OTUD7B: variants seen among roughly 807,000 people sequenced by gnomAD.
OTUD7B encodes OTU domain-containing protein 7B.
A neutral mutation model predicts 82.2 loss-of-function variants in OTUD7B; 34 were observed. That is an observed-to-expected ratio of 0.41 (90% CI 0.31 to 0.55). The LOEUF (loss-of-function observed/expected upper bound fraction) is 0.55, where lower values mean the gene tolerates loss of function less well. OTUD7B is among the 20% of genes least tolerant of loss of function. OTUD7B has a pLI of 0.20. For synonymous variants in OTUD7B, 398 were observed against 402.7 expected (o/e 0.99, Z 0.14); for missense variants, 944 against 1,062.1 (o/e 0.89, Z 1.55).
chr1:150,016,493 C>T, the OTUD7B span, among the ~76,000 whole-genome samples: 3 of 131,714 alleles, frequency 2.3e-5, no homozygotes, highest in South Asian at 4.7e-4. Context: ...TCGCTTTTGT[C>T]GCCAAGGCTG....
At chr1:150,064,112 CA>C in the OTUD7B span, among the ~76,000 whole-genome samples, 1 of 152,116 alleles carries the variant, frequency 6.6e-6, no homozygotes. Flanking sequence ...TAAGCTAAAA[CA>C]TGTTTACCTT....
the OTUD7B span, among the ~76,000 whole-genome samples, chr1:150,059,652 G>A: frequency 2.4e-4 from 37 of 152,042 alleles, no homozygotes; most frequent in African/African-American, 8.0e-4. Flanking sequence ...TTACAGGCAC[G>A]AGCCACCATC....
At chr1:149,976,881 G>A (rs1650358388) in intron 2 of OTUD7B, among the ~76,000 whole-genome samples, 2 of 151,864 alleles carry the variant, frequency 1.3e-5, no homozygotes, top group South Asian at 4.2e-4. Flanking sequence ...AGCACTTTGG[G>A]AGGCCGAGGC....
chr1:150,041,004 C>G, the OTUD7B span, among the ~76,000 whole-genome samples: 3 of 152,058 alleles, frequency 2.0e-5, no homozygotes, highest in East Asian at 5.8e-4. Flanking sequence ...GCCACAGCGC[C>G]TGGCCTCTTT....
the OTUD7B span, among the ~76,000 whole-genome samples, chr1:150,052,415 C>T: frequency 5.3e-5 from 8 of 152,084 alleles, 1 homozygote; most frequent in African/African-American, 1.7e-4. Context: ...CTCTCATTCA[C>T]AATTGTCACT....
chr1:150,026,916 A>T, the OTUD7B span, among the ~76,000 whole-genome samples: 2 of 152,206 alleles, frequency 1.3e-5, no homozygotes, highest in Non-Finnish European at 2.9e-5. Flanking sequence ...TGCAATCAAA[A>T]GTATATTTAT....
At chr1:149,945,191 C>A in intron 11 of OTUD7B, 126 bp from the exon 12 acceptor site, 1 of 1,336,528 alleles carries the variant, frequency 7.5e-7, no homozygotes, top group East Asian at 2.5e-5. Context: ...AGAAATTAGC[C>A]AGGTAGAAAA....
rs587672845 is a variant in OTUD7B at position 149,994,454 on chromosome 1, G to A, written c.-67+15994C>T. 1.3e-4 allele frequency among the ~76,000 whole-genome samples: 19 copies of A among 151,888 alleles called. No homozygotes were observed. The South Asian group carries it at 1.3e-3, about 10-fold the overall frequency. On this transcript the variant is annotated intron_variant, in intron 1 of 11. Coordinates refer to ENST00000581312, the MANE Select transcript of OTUD7B (RefSeq NM_020205.4). Reference sequence around the variant, plus strand: ...AAATTAGGTAGGTGTGGTGGCATGCGCCTGTAAACCCAGCTACTTGGGAGG... The same window carrying A: ...AAATTAGGTAGGTGTGGTGGCATGCACCTGTAAACCCAGCTACTTGGGAGG...
At chr1:150,000,084 C>A (rs1553784350) in intron 1 of OTUD7B, among the ~76,000 whole-genome samples, 1 of 152,044 alleles carries the variant, frequency 6.6e-6, no homozygotes, top group East Asian at 1.9e-4. Flanking sequence ...TTATATCCTG[C>A]TGGAGAAAAA....
intron 7 of OTUD7B, among the ~76,000 whole-genome samples, chr1:149,951,186 T>G (rs1553773387): frequency 6.6e-6 from 1 of 151,956 alleles, no homozygotes; most frequent in African/African-American, 2.4e-5. Context: ...GGTTTCACCG[T>G]GGTCTCGATC....
chr1:150,041,264 T>C, the OTUD7B span, among the ~76,000 whole-genome samples: 1 of 152,196 alleles, frequency 6.6e-6, no homozygotes, highest in Non-Finnish European at 1.5e-5. Context: ...AATACATTAG[T>C]ATGCTTTTAA....
At chr1:150,063,001 A>T in the OTUD7B span, among the ~76,000 whole-genome samples, 1 of 150,730 alleles carries the variant, frequency 6.6e-6, no homozygotes, top group Admixed American at 6.6e-5. Flanking sequence ...GGCGTGACCC[A>T]CCAAGGCTGG....
the OTUD7B span, among the ~76,000 whole-genome samples, chr1:150,062,274 A>G: frequency 6.6e-6 from 1 of 152,150 alleles, no homozygotes; most frequent in Non-Finnish European, 1.5e-5. Context: ...TGTTATACCA[A>G]TTTTTACACT....
Position 149,951,807 on chromosome 1 carries a change from A to T in OTUD7B, c.846-1586T>A, listed in dbSNP as rs190072557. Among the ~76,000 whole-genome samples, 286 of 152,322 alleles carry T rather than the reference A, an allele frequency of 1.9e-3. 1 individual carries two copies. Among genetic ancestry groups the T allele is most frequent in the African/African-American group, 6.6e-3 (276 of 41,558 alleles). On this transcript the variant is annotated intron_variant, in intron 7 of 11. Coordinates refer to ENST00000581312, the MANE Select transcript of OTUD7B (RefSeq NM_020205.4). ...CCATTATGGAAAATTTCAAAATTTT[A>T]AACATATTCAATACTAGAAATGATA...
chr1:149,985,269 G>A (rs150730669), intron 1 of OTUD7B, among the ~76,000 whole-genome samples: 1,695 of 152,208 alleles, frequency 0.011, 37 homozygotes, highest in African/African-American at 0.039. Flanking sequence ...TTAGCCAGGC[G>A]TGGTGGTGTG....
the OTUD7B span, among the ~76,000 whole-genome samples, chr1:150,063,487 G>T: frequency 2.0e-5 from 3 of 152,162 alleles, no homozygotes; most frequent in Admixed American, 6.5e-5. Context: ...TGGAGTGGTT[G>T]CAATACAGAA....
chr1:150,033,865 G>T, the OTUD7B span, among the ~76,000 whole-genome samples: 1 of 152,138 alleles, frequency 6.6e-6, no homozygotes, highest in Admixed American at 6.5e-5. Flanking sequence ...GGGACTACAG[G>T]TGTGCGCCAC....
the OTUD7B span, among the ~76,000 whole-genome samples, chr1:150,021,638 G>A: frequency 1.6e-4 from 25 of 152,270 alleles, no homozygotes; most frequent in African/African-American, 5.3e-4. Context: ...AACTAAGTCC[G>A]CATTGGATTT....
chr1:150,067,447 G>C, the OTUD7B span: 1 of 184,524 alleles, frequency 5.4e-6, no homozygotes, highest in Non-Finnish European at 1.1e-5. Context: ...AATAGGGCAC[G>C]TAGCCACACT....
Sources: gnomAD v4.1 joint callset for allele counts (sites outside exome capture counted in the v4.1 genomes callset) on GRCh38, gnomAD v4.1.1 for gene constraint, MANE v1.5 for transcripts, NCBI Gene and HGNC (gene_info 2026-07-23, HGNC 2026-07-21) for gene names.